MACROD2: variants seen among roughly 807,000 people sequenced by gnomAD.
MACROD2 encodes mono-ADP ribosylhydrolase 2.
MACROD2 carries 36 observed loss-of-function variants against 70.4 expected under a neutral mutation model. That is an observed-to-expected ratio of 0.51 (90% CI 0.39 to 0.68). MACROD2 has a LOEUF of 0.68. MACROD2 is among the 30% of genes least tolerant of loss of function. The pLI, the probability that MACROD2 is intolerant of heterozygous loss-of-function variation, is 0.00. For synonymous variants in MACROD2, 172 were observed against 178.8 expected (o/e 0.96, Z 0.30); for missense variants, 496 against 538.4 (o/e 0.92, Z 0.78).
At chr20:14,835,709 C>T (rs1286034276) in intron 5 of MACROD2, among the ~76,000 whole-genome samples, 1 of 151,982 alleles carries the variant, frequency 6.6e-6, no homozygotes, top group African/African-American at 2.4e-5. Context: ...TGCTCTGGAA[C>T]AGGGCATTGC....
At chr20:14,814,480 G>T (rs1322319682) in intron 5 of MACROD2, among the ~76,000 whole-genome samples, 2 of 151,944 alleles carry the variant, frequency 1.3e-5, no homozygotes, top group Non-Finnish European at 2.9e-5. Context: ...ACATTCTACT[G>T]GTCTGTGGAT....
At chr20:14,584,880 A>G (rs1200305551) in intron 4 of MACROD2, among the ~76,000 whole-genome samples, 1 of 152,220 alleles carries the variant, frequency 6.6e-6, no homozygotes, top group African/African-American at 2.4e-5. Context: ...GGCTTGTTGA[A>G]TAAATCATTG....
At chr20:14,480,765 A>C (rs1450076555) in intron 3 of MACROD2, among the ~76,000 whole-genome samples, 1 of 152,120 alleles carries the variant, frequency 6.6e-6, no homozygotes, top group Non-Finnish European at 1.5e-5. Context: ...TGTGTACAGA[A>C]AAAAAGTGTG....
chr20:15,884,460 G>A (rs1388217432), intron 9 of MACROD2, among the ~76,000 whole-genome samples: 1 of 152,040 alleles, frequency 6.6e-6, no homozygotes, highest in East Asian at 1.9e-4. Context: ...GGTATCATTG[G>A]CCTTGAGTGT....
chr20:14,775,241 G>T (rs893702874), intron 5 of MACROD2, among the ~76,000 whole-genome samples: 1 of 152,026 alleles, frequency 6.6e-6, no homozygotes, highest in Non-Finnish European at 1.5e-5. Context: ...ATTAGCTAAC[G>T]CGGTGGGCTT....
At chr20:15,995,220 G>C (rs6080078) in intron 15 of MACROD2, among the ~76,000 whole-genome samples, 22,139 of 151,712 alleles carry the variant, frequency 0.15, 1,982 homozygotes, top group East Asian at 0.24. Flanking sequence ...TAATGCACAT[G>C]TAATATGTGC....
chr20:14,136,680 G>C (rs960658046), intron 3 of MACROD2, among the ~76,000 whole-genome samples: 6 of 152,098 alleles, frequency 3.9e-5, no homozygotes, highest in African/African-American at 9.7e-5. Context: ...TCAAGTTTTA[G>C]AACCATTGAT....
At chr20:15,087,440 G>A (rs2075757219) in intron 5 of MACROD2, among the ~76,000 whole-genome samples, 1 of 151,846 alleles carries the variant, frequency 6.6e-6, no homozygotes, top group Non-Finnish European at 1.5e-5. Flanking sequence ...TATAATGAAA[G>A]ACATTTCAAT....
chr20:14,772,353 C>T (rs1295532046), intron 5 of MACROD2, among the ~76,000 whole-genome samples: 2 of 151,730 alleles, frequency 1.3e-5, no homozygotes, highest in Non-Finnish European at 2.9e-5. Flanking sequence ...AAAGACATAC[C>T]CGAGACTGGG....
chr20:14,109,100 A>G (rs1392193342), intron 3 of MACROD2, among the ~76,000 whole-genome samples: 2 of 152,064 alleles, frequency 1.3e-5, no homozygotes, highest in Non-Finnish European at 2.9e-5. Flanking sequence ...ACTAGAAATC[A>G]ACAACAAGAA....
intron 8 of MACROD2, among the ~76,000 whole-genome samples, chr20:15,610,991 CTTTTT>C (rs34495725): frequency 2.2e-3 from 134 of 60,102 alleles, no homozygotes; most frequent in African/African-American, 5.1e-3. Flanking sequence ...AGCCAAAAAT[CTTTTT>C]TTTTTTTTTT....
intron 5 of MACROD2, among the ~76,000 whole-genome samples, chr20:15,052,561 G>C (rs989449466): frequency 6.6e-6 from 1 of 152,098 alleles, no homozygotes; most frequent in African/African-American, 2.4e-5. Context: ...CACAAACTGT[G>C]CTCATAAAAG....
At chr20:15,838,091 C>A (rs75170335) in intron 8 of MACROD2, among the ~76,000 whole-genome samples, 4,159 of 152,148 alleles carry the variant, frequency 0.027, 122 homozygotes, top group East Asian at 0.13. Flanking sequence ...CTCCAGAGAT[C>A]TACTCAGGTT....
At chr20:15,573,562 G>A (rs896247700) in intron 8 of MACROD2, among the ~76,000 whole-genome samples, 2 of 152,180 alleles carry the variant, frequency 1.3e-5, no homozygotes, top group African/African-American at 4.8e-5. Context: ...TGGAAGAAGA[G>A]TAGAGGAATT....
chr20:15,408,494 C>T (rs969348254), intron 6 of MACROD2, among the ~76,000 whole-genome samples: 2 of 152,202 alleles, frequency 1.3e-5, no homozygotes, highest in Admixed American at 1.3e-4. Flanking sequence ...CATGCAAAGT[C>T]ACATGTTCTC....
intron 5 of MACROD2, among the ~76,000 whole-genome samples, chr20:15,080,601 A>G (rs1282686254): frequency 6.6e-6 from 1 of 152,008 alleles, no homozygotes; most frequent in Admixed American, 6.6e-5. Flanking sequence ...TCTTTAAGTG[A>G]CATTAACCAG....
At chr20:15,039,853 A>G (rs1364930632) in intron 5 of MACROD2, among the ~76,000 whole-genome samples, 2 of 152,148 alleles carry the variant, frequency 1.3e-5, no homozygotes, top group Non-Finnish European at 2.9e-5. Flanking sequence ...ATTTTTTTCA[A>G]CACAATGTCA....
intron 3 of MACROD2, among the ~76,000 whole-genome samples, chr20:14,171,322 A>C (rs895854073): frequency 5.9e-5 from 9 of 151,916 alleles, no homozygotes; most frequent in African/African-American, 1.9e-4. Flanking sequence ...TTGTATTACT[A>C]TTTTTGTTTC....
intron 8 of MACROD2, among the ~76,000 whole-genome samples, chr20:15,562,369 A>C (rs182028074): frequency 4.6e-5 from 7 of 152,298 alleles, no homozygotes; most frequent in Admixed American, 4.6e-4. Flanking sequence ...ATTAGTATGA[A>C]AAGTCCCATT....
Sources: allele counts gnomAD v4.1 joint callset (sites outside exome capture counted in the v4.1 genomes callset), GRCh38; gene constraint gnomAD v4.1.1; transcripts MANE v1.5; gene names NCBI Gene and HGNC (gene_info 2026-07-23, HGNC 2026-07-21).